Variants in XRCC5 observed in about 807,000 individuals in gnomAD.
The protein encoded by XRCC5 is DNA repair protein Ku80.
In XRCC5, 12 loss-of-function variants were observed where a neutral mutation model predicts 95.7. The observed-to-expected ratio is 0.13, with a 90% confidence interval of 0.08 to 0.20. The LOEUF is 0.20. XRCC5 is among the 10% of genes least tolerant of loss of function. XRCC5 has a pLI of 1.00. For synonymous variants in XRCC5, 281 were observed against 290.3 expected (o/e 0.97, Z 0.33); for missense variants, 595 against 873.9 (o/e 0.68, Z 4.02).
chr2:216,188,568 G>A (rs932628629), intron 16 of XRCC5, among the ~76,000 whole-genome samples: 2 of 152,140 alleles, frequency 1.3e-5, no homozygotes, highest in Admixed American at 6.5e-5. Flanking sequence ...ATTGCCCTTG[G>A]CCTGTAAAGG....
At chr2:216,120,031 G>T (rs1696777113) in intron 5 of XRCC5, among the ~76,000 whole-genome samples, 1 of 152,218 alleles carries the variant, frequency 6.6e-6, no homozygotes, top group South Asian at 2.1e-4. Flanking sequence ...TAAAATGCCT[G>T]CCTGGGGGTA....
At chr2:216,166,827 A>G (rs1241607950) in intron 16 of XRCC5, among the ~76,000 whole-genome samples, 1 of 152,210 alleles carries the variant, frequency 6.6e-6, no homozygotes, top group Non-Finnish European at 1.5e-5. Context: ...AGTATGGGAG[A>G]TAATGTAAAA....
intron 6 of XRCC5, among the ~76,000 whole-genome samples, chr2:216,123,241 C>T (rs41299772): frequency 0.029 from 4,429 of 152,010 alleles, 207 homozygotes; most frequent in African/African-American, 0.1. Context: ...TTTTTCTAAA[C>T]GACCATTTTT....
At chr2:216,125,774 T>G (rs571889453) in intron 6 of XRCC5, 143 bp from the exon 7 acceptor site, 58 of 621,302 alleles carry the variant, frequency 9.3e-5, no homozygotes, top group Non-Finnish European at 1.2e-4. Flanking sequence ...AACTTGTGGT[T>G]GTTGTTTTCC....
At chr2:216,115,545 T>A (rs1490399699) in intron 2 of XRCC5, among the ~76,000 whole-genome samples, 2 of 152,210 alleles carry the variant, frequency 1.3e-5, no homozygotes, top group African/African-American at 2.4e-5. Context: ...ATTGTTGTGT[T>A]GTTTACAGAC....
intron 17 of XRCC5, among the ~76,000 whole-genome samples, chr2:216,192,091 C>G (rs1258149029): frequency 1.3e-5 from 2 of 152,112 alleles, no homozygotes; most frequent in African/African-American, 4.8e-5. Flanking sequence ...CTCCGCCTCC[C>G]GGGTTCAAGC....
chr2:216,138,188 GT>G lies in XRCC5; in HGVS notation c.1342+13del. Reference sequence around the variant, plus strand: ...GAAATATGCTCCCACCGGTGAGTTTGTTTTCATTTAGATCACTCATTGACTA... The same window carrying G: ...GAAATATGCTCCCACCGGTGAGTTTGTTTCATTTAGATCACTCATTGACTA... On this transcript the variant is annotated intron_variant, in intron 12 of 20. Coordinates refer to ENST00000392132, the MANE Select transcript of XRCC5 (RefSeq NM_021141.4). 1 of 1,610,510 alleles carries G rather than the reference GT, an allele frequency of 6.2e-7. No homozygotes were observed. Among genetic ancestry groups the G allele is most frequent in the Non-Finnish European group, 8.5e-7 (1 of 1,178,520 alleles).
intron 6 of XRCC5, among the ~76,000 whole-genome samples, chr2:216,123,988 A>G (rs1696863914): frequency 6.6e-6 from 1 of 152,244 alleles, no homozygotes; most frequent in African/African-American, 2.4e-5. Context: ...TTTGCCATCC[A>G]GTACAGTAGC....
intron 16 of XRCC5, among the ~76,000 whole-genome samples, chr2:216,167,770 T>G (rs41301740): frequency 0.03 from 4,617 of 152,238 alleles, 233 homozygotes; most frequent in African/African-American, 0.11. Context: ...ACCTTGAGCA[T>G]CTTAAAGATG....
chr2:216,126,871 ATTTC>A (rs1045436690), intron 7 of XRCC5, among the ~76,000 whole-genome samples: 1 of 150,222 alleles, frequency 6.7e-6, no homozygotes, highest in Non-Finnish European at 1.5e-5. Context: ...TGCTTTTCAA[ATTTC>A]TTTGTTGATT....
intron 16 of XRCC5, among the ~76,000 whole-genome samples, chr2:216,173,404 T>C (rs1689206789): frequency 6.6e-6 from 1 of 152,208 alleles, no homozygotes; most frequent in Non-Finnish European, 1.5e-5. Context: ...CTATTTCTAA[T>C]TGGTTGAAAG....
chr2:216,144,842 G>C (rs561590565), intron 13 of XRCC5, among the ~76,000 whole-genome samples: 1 of 152,236 alleles, frequency 6.6e-6, no homozygotes, highest in African/African-American at 2.4e-5. Flanking sequence ...GTAGGAGAGA[G>C]AACAAAGTAG....
At chr2:216,169,756 A>G (rs1487310333) in intron 16 of XRCC5, among the ~76,000 whole-genome samples, 1 of 151,688 alleles carries the variant, frequency 6.6e-6, no homozygotes, top group East Asian at 1.9e-4. Flanking sequence ...GTATAATGAA[A>G]TGCACCTGGC....
intron 1 of XRCC5, chr2:216,111,434 G>C (rs1696589446): frequency 2.2e-6 from 1 of 448,144 alleles, no homozygotes; most frequent in Non-Finnish European, 4.5e-6. Context: ...TGAGGTAGCG[G>C]GATCACTTGA....
chr2:216,136,391 A>C (rs1204685989), intron 10 of XRCC5, among the ~76,000 whole-genome samples: 1 of 150,912 alleles, frequency 6.6e-6, no homozygotes, highest in Non-Finnish European at 1.5e-5. Context: ...GAATGTACAG[A>C]TTTTTGATTC....
In XRCC5 at chr2:216,137,102, A is replaced by C; in HGVS notation, c.1128A>C (p.Ala376=). The C allele has an allele frequency of 3.1e-6, 5 of 1,613,394 alleles. No homozygotes were observed. The highest frequency in any genetic ancestry group is 4.2e-6 in the Non-Finnish European group (5 of 1,179,662). ...TTTCTTACCAGGCAGCTGCAGTTGC[A>C]CTTTCCTCCCTGATTCATGCTTTGG... ...AARDDEAAAV[A]LSSLIHALDD... is the part of the protein sequence containing the mutation. The change falls in exon 11 of 21, where the codon GCA becomes GCC. Residue 376 remains alanine (A), a synonymous_variant. Transcript: ENST00000392132.
intron 11 of XRCC5, 99 bp from the exon 12 acceptor site, chr2:216,137,990 A>G: frequency 9.3e-7 from 1 of 1,073,478 alleles, no homozygotes; most frequent in South Asian, 1.5e-5. Flanking sequence ...CGATTTTTGA[A>G]ATATTTCTGT....
chr2:216,187,786 G>GAGACACACACAC (rs1426338009), intron 16 of XRCC5, among the ~76,000 whole-genome samples: 1 of 64,536 alleles, frequency 1.5e-5, no homozygotes, highest in Admixed American at 2.0e-4. Context: ...ATGAACTCCT[G>GAGACACACACAC]ACACACACAC....
intron 3 of XRCC5, chr2:216,117,052 T>A (rs1159605028): frequency 1.7e-6 from 1 of 590,698 alleles, no homozygotes; most frequent in Non-Finnish European, 3.0e-6. Flanking sequence ...CTCACTTCCC[T>A]GTTCTCTGCA....
Sources: allele counts gnomAD v4.1 joint callset (sites outside exome capture counted in the v4.1 genomes callset), GRCh38; gene constraint gnomAD v4.1.1; transcripts MANE v1.5; gene names NCBI Gene and HGNC (gene_info 2026-07-23, HGNC 2026-07-21).